Variants in GPR176 observed in about 807,000 individuals in gnomAD.
GPR176 encodes G protein-coupled receptor 176, also known as G-protein coupled receptor 176.
A neutral mutation model predicts 35.4 loss-of-function variants in GPR176; 26 were observed. The ratio of observed to expected loss-of-function variants is 0.74; its 90% confidence interval spans 0.54 to 1.02. GPR176 has a LOEUF of 1.02. Among genes scored for constraint, GPR176 ranks in the 50% least tolerant of loss-of-function variants. GPR176 has a pLI of 0.00. For missense variants in GPR176, 597 were observed against 665.3 expected (o/e 0.90, Z 1.13); for synonymous variants, 278 against 271.3 (o/e 1.02, Z -0.24).
At chr15:39,918,044 TAAAAAAAAA>T (rs11410825) in intron 1 of GPR176, among the ~76,000 whole-genome samples, 1 of 111,460 alleles carries the variant, frequency 9.0e-6, no homozygotes, top group East Asian at 2.7e-4. Context: ...AAACTCTGTC[TAAAAAAAAA>T]AAAAAAAAAA....
chr15:39,896,506 T>A (rs374434236), intron 1 of GPR176, among the ~76,000 whole-genome samples: 3 of 152,252 alleles, frequency 2.0e-5, no homozygotes, highest in Non-Finnish European at 4.4e-5. Context: ...AAGAATGTTA[T>A]TCATGAGCAT....
chr15:39,917,449 C>T (rs2033756009), intron 1 of GPR176, among the ~76,000 whole-genome samples: 1 of 150,560 alleles, frequency 6.6e-6, no homozygotes, highest in African/African-American at 2.4e-5. Flanking sequence ...GATTCTCCTG[C>T]CTCAGCCTCC....
chr15:39,907,778 T>C (rs529799056), intron 1 of GPR176, among the ~76,000 whole-genome samples: 1 of 152,158 alleles, frequency 6.6e-6, no homozygotes, highest in Non-Finnish European at 1.5e-5. Flanking sequence ...GGTTTTTATG[T>C]TAATTAACTA....
intron 1 of GPR176, among the ~76,000 whole-genome samples, chr15:39,865,989 C>A (rs1382652075): frequency 1.3e-5 from 2 of 151,804 alleles, no homozygotes; most frequent in South Asian, 2.1e-4. Context: ...AAATTATATA[C>A]ACACAGTGGA....
chr15:39,845,560 G>A (rs955940323), intron 1 of GPR176, among the ~76,000 whole-genome samples: 4 of 151,770 alleles, frequency 2.6e-5, no homozygotes, highest in South Asian at 2.1e-4. Flanking sequence ...ACACTCAGAC[G>A]CTTGATTTAA....
chr15:39,836,990 G>A (rs1405233876), intron 1 of GPR176, among the ~76,000 whole-genome samples: 1 of 152,120 alleles, frequency 6.6e-6, no homozygotes, highest in East Asian at 1.9e-4. Flanking sequence ...CATACACAGA[G>A]GGTAATTAAC....
intron 1 of GPR176, among the ~76,000 whole-genome samples, chr15:39,822,116 A>C (rs1355997888): frequency 6.6e-6 from 1 of 152,230 alleles, no homozygotes. Context: ...ATGTGAATGC[A>C]CCAACTTGGA....
At chr15:39,848,621 A>T (rs750111521) in intron 1 of GPR176, among the ~76,000 whole-genome samples, 1 of 152,200 alleles carries the variant, frequency 6.6e-6, no homozygotes, top group Non-Finnish European at 1.5e-5. Context: ...GTGTTCTCCA[A>T]CCACAATGGA....
At chr15:39,883,872 G>A (rs1425125122) in intron 1 of GPR176, among the ~76,000 whole-genome samples, 2 of 82,802 alleles carry the variant, frequency 2.4e-5, no homozygotes, top group Non-Finnish European at 6.7e-5. Context: ...AAAGGACACT[G>A]TGTGATTACA....
At chr15:39,903,626 G>C (rs2033341589) in intron 1 of GPR176, among the ~76,000 whole-genome samples, 1 of 151,930 alleles carries the variant, frequency 6.6e-6, no homozygotes, top group South Asian at 2.1e-4. Flanking sequence ...TTTAAGTAAT[G>C]ATGATGGGCC....
At chr15:39,878,678 T>C (rs748286311) in intron 1 of GPR176, among the ~76,000 whole-genome samples, 3 of 152,236 alleles carry the variant, frequency 2.0e-5, no homozygotes, top group Non-Finnish European at 2.9e-5. Flanking sequence ...GTTCTGTTTT[T>C]AGTTTTTTTA....
intron 1 of GPR176, among the ~76,000 whole-genome samples, chr15:39,828,733 A>T (rs1900855718): frequency 6.6e-6 from 1 of 152,242 alleles, no homozygotes. Flanking sequence ...TAAGAGTTTC[A>T]GGAGACATTG....
In GPR176 at chr15:39,920,067, G is replaced by A; in HGVS notation, c.-41C>T. On this transcript the variant is annotated 5_prime_UTR_variant, in exon 1 of 3. Transcript: ENST00000561100. ...CCGGCTCCGCGCGCCGCCCGCCTCG[G>A]AGCCCCGCGCGGAGCCTCTCCTCCT... 1 of 1,270,292 alleles carries A rather than the reference G, an allele frequency of 7.9e-7. No homozygotes were observed. Among genetic ancestry groups the A allele is most frequent in the African/African-American group, 1.5e-5 (1 of 64,526 alleles). 78.7% of individuals were successfully genotyped at this position (1,270,292 alleles called of 1,614,324 possible).
At chr15:39,803,842 A>C (rs1356282610) in intron 2 of GPR176, among the ~76,000 whole-genome samples, 4 of 152,198 alleles carry the variant, frequency 2.6e-5, no homozygotes, top group Non-Finnish European at 5.9e-5. Flanking sequence ...CTGAAGGGGA[A>C]CATTCCAGGC....
intron 1 of GPR176, among the ~76,000 whole-genome samples, chr15:39,867,438 G>C (rs1487739578): frequency 1.3e-5 from 2 of 152,160 alleles, no homozygotes; most frequent in African/African-American, 4.8e-5. Context: ...GAAGGACATC[G>C]GGAAATGCAC....
At position 39,801,421 on chromosome 15, in the gene GPR176, G is replaced by T; in HGVS notation, c.1259C>A (p.Pro420His). 5.0e-6 allele frequency: 8 copies of T among 1,614,166 alleles called. No individual in the cohort carries two copies. The highest frequency in any genetic ancestry group is 6.8e-6 in the Non-Finnish European group (8 of 1,180,014). ...LEGEQGPQFAPSAPPLSTVDS... is the reference protein window; with the variant it reads ...LEGEQGPQFAHSAPPLSTVDS... ...CACTGTGCTCAGGGGTGGGGCAGAG[G>T]GCGCAAACTGTGGCCCCTGCTCTCC... Residue 420 changes from proline (P) to histidine (H), a missense_variant, in exon 3 of 3, where the codon CCC becomes CAC. Pro to His is a moderately conservative substitution (Grantham distance 77, BLOSUM62 -2). Around this residue, in one of 3 missense-constraint regions of GPR176, gnomAD observed 251 missense variants for 255.4 expected, o/e 0.98. Coordinates refer to ENST00000561100, the MANE Select transcript of GPR176 (RefSeq NM_007223.3).
intron 1 of GPR176, among the ~76,000 whole-genome samples, chr15:39,808,135 C>G (rs185865132): frequency 6.6e-6 from 1 of 152,316 alleles, no homozygotes; most frequent in East Asian, 1.9e-4. Context: ...CCTCTCCCTA[C>G]GTTAGACTAC....
intron 1 of GPR176, among the ~76,000 whole-genome samples, chr15:39,890,313 C>T (rs1445133032): frequency 2.6e-5 from 4 of 152,152 alleles, no homozygotes; most frequent in Non-Finnish European, 2.9e-5. Flanking sequence ...TTTTCTAATT[C>T]GGGTTTTTTG....
At chr15:39,821,623 A>G (rs1900278312) in intron 1 of GPR176, among the ~76,000 whole-genome samples, 1 of 152,234 alleles carries the variant, frequency 6.6e-6, no homozygotes, top group Non-Finnish European at 1.5e-5. Context: ...TTATTTTTCC[A>G]GTAAAGAACT....
Sources: gnomAD v4.1 joint callset for allele counts (sites outside exome capture counted in the v4.1 genomes callset) on GRCh38, gnomAD v4.1.1 for gene constraint, gnomAD v4.1.1 regional missense constraint, MANE v1.5 for transcripts, NCBI Gene and HGNC (gene_info 2026-07-23, HGNC 2026-07-21) for gene names.